Variants in ADAMTS2 observed in about 807,000 individuals in gnomAD.
ADAMTS2 encodes ADAM metallopeptidase with thrombospondin type 1 motif 2, also known as A disintegrin and metalloproteinase with thrombospondin motifs 2.
Under a neutral mutation model 123.0 loss-of-function variants are expected in ADAMTS2, and 50 were observed. The observed-to-expected ratio is 0.41, with a 90% CI of 0.32 to 0.51. The LOEUF is 0.51. ADAMTS2 is among the 20% of genes least tolerant of loss of function. The pLI is 0.35. For missense variants in ADAMTS2, 1,494 were observed against 1,705.2 expected, an observed-to-expected ratio of 0.88 and a Z score of 2.18; for synonymous variants, 678 against 695.4, an observed-to-expected ratio of 0.98 and a Z score of 0.39.
intron 4 of ADAMTS2, among the ~76,000 whole-genome samples, chr5:179,193,559 G>A (rs1316827286): frequency 6.6e-6 from 1 of 152,222 alleles, no homozygotes; most frequent in African/African-American, 2.4e-5. Context: ...CTCTGTCATA[G>A]AAGCGAAGGC....
chr5:179,286,313 G>A (rs958070593), intron 2 of ADAMTS2, among the ~76,000 whole-genome samples: 1 of 150,696 alleles, frequency 6.6e-6, no homozygotes, highest in Non-Finnish European at 1.5e-5. Flanking sequence ...TTGCACAGCT[G>A]TTCCCTGCCA....
intron 2 of ADAMTS2, among the ~76,000 whole-genome samples, chr5:179,323,499 G>C (rs1757238759): frequency 6.6e-6 from 1 of 152,236 alleles, no homozygotes; most frequent in South Asian, 2.1e-4. Flanking sequence ...CACTTGCCAG[G>C]GGCCGTTGGG....
intron 3 of ADAMTS2, among the ~76,000 whole-genome samples, chr5:179,263,494 G>A (rs933798887): frequency 6.6e-6 from 1 of 152,212 alleles, no homozygotes; most frequent in Non-Finnish European, 1.5e-5. Flanking sequence ...CTCCACACAG[G>A]CCCAGTGCCC....
chr5:179,213,082 GA>G (rs1764899196), intron 3 of ADAMTS2, among the ~76,000 whole-genome samples: 1 of 152,112 alleles, frequency 6.6e-6, no homozygotes, highest in African/African-American at 2.4e-5. Flanking sequence ...GCCACTAGGG[GA>G]CGACAGGGAC....
rs1159945403 is a variant in ADAMTS2 at position 179,202,742 on chromosome 5, G to A, written c.891+4771C>T. ...CGTGTTTCCTTACTCACACCATGGC[G>A]CGGGGTGGGTCGGGAGGGCCCGAGC... is the stretch of plus-strand genomic sequence containing the variant. On this transcript the variant is annotated intron_variant, in intron 4 of 21. Transcript: ENST00000251582. The surrounding 1 kb of genome is among the most constrained non-coding windows in gnomAD (Gnocchi z 4.0). Among the ~76,000 whole-genome samples the A allele has an allele frequency of 1.3e-5, 2 of 152,048 alleles. No homozygotes were observed. Among genetic ancestry groups the A allele is most frequent in the South Asian group, 2.1e-4 (1 of 4,828 alleles).
chr5:179,316,347 A>G (rs80123113), intron 2 of ADAMTS2, among the ~76,000 whole-genome samples: 6,762 of 152,310 alleles, frequency 0.044, 512 homozygotes, highest in African/African-American at 0.15. Context: ...AGCAGCAGAG[A>G]TCTAGCAACC....
rs1763442845 is a variant in ADAMTS2, at chr5:179,155,069, C to T, written c.1133-150G>A. 1 of 729,626 alleles carries T rather than the reference C, an allele frequency of 1.4e-6. No homozygotes were observed. Among genetic ancestry groups the T allele is most frequent in the South Asian group, 1.5e-5 (1 of 65,794 alleles). 45.2% of individuals were successfully genotyped at this position (729,626 alleles called of 1,614,324 possible). On this transcript the variant is annotated intron_variant, in intron 6 of 21. Coordinates refer to ENST00000251582, the MANE Select transcript of ADAMTS2 (RefSeq NM_014244.5). This position sits in a 1 kb window ranked among gnomAD's most constrained non-coding sequence, Gnocchi z 5.1. ...CCCCCGGCTGGCACAGCTCAGAAGA[C>T]ACCACAGCAGACAGCTCATAGCCTG...
At chr5:179,131,407 G>A (rs1480294125) in intron 15 of ADAMTS2, among the ~76,000 whole-genome samples, 1 of 151,988 alleles carries the variant, frequency 6.6e-6, no homozygotes, top group African/African-American at 2.4e-5. Context: ...AAACAAAAGG[G>A]AGATAAAATA....
chr5:179,194,717 A>T (rs1265884572), intron 4 of ADAMTS2, among the ~76,000 whole-genome samples: 1 of 152,130 alleles, frequency 6.6e-6, no homozygotes, highest in Non-Finnish European at 1.5e-5. Flanking sequence ...CAGTGACCTG[A>T]TGCAGGCAAG....
intron 3 of ADAMTS2, among the ~76,000 whole-genome samples, chr5:179,227,110 T>C (rs563654490): frequency 1.0e-5 from 1 of 98,178 alleles, no homozygotes. Context: ...GATTTATATA[T>C]GTGTGTGTAC....
intron 2 of ADAMTS2, among the ~76,000 whole-genome samples, chr5:179,280,834 A>G (rs1459126191): frequency 6.6e-6 from 1 of 152,002 alleles, no homozygotes; most frequent in Non-Finnish European, 1.5e-5. Flanking sequence ...AAAGGGAATC[A>G]TTTTTCATTA....
chr5:179,128,247 G>T lies in ADAMTS2; in HGVS notation c.2458-129C>A. On this transcript the variant is annotated intron_variant, in intron 16 of 21. Coordinates refer to ENST00000251582, the MANE Select transcript of ADAMTS2 (RefSeq NM_014244.5). This position sits in a 1 kb window ranked among gnomAD's most constrained non-coding sequence, Gnocchi z 4.9. ...ATTCATGGCAGTTACATTCCATGAA[G>T]TCGCCCCGAGCACCAAATTCTTGAA... The T allele has an allele frequency of 8.4e-7, 1 of 1,184,138 alleles. No individual in the cohort carries two copies. 73.4% of individuals were successfully genotyped at this position (1,184,138 alleles called of 1,614,324 possible).
chr5:179,336,637 C>A (rs953769451), intron 2 of ADAMTS2, among the ~76,000 whole-genome samples: 4 of 152,198 alleles, frequency 2.6e-5, no homozygotes, highest in Non-Finnish European at 5.9e-5. Flanking sequence ...TAATGATATG[C>A]AGACACGGCC....
chr5:179,134,428 C>T (rs1008069566), intron 13 of ADAMTS2, among the ~76,000 whole-genome samples: 1 of 152,130 alleles, frequency 6.6e-6, no homozygotes, highest in African/African-American at 2.4e-5. Context: ...GGGTACCAGG[C>T]TACTGGGGAC....
At chr5:179,270,625 C>T (rs1766505191) in intron 3 of ADAMTS2, among the ~76,000 whole-genome samples, 2 of 152,210 alleles carry the variant, frequency 1.3e-5, no homozygotes, top group Non-Finnish European at 2.9e-5. Flanking sequence ...TATGTATCTC[C>T]CAGTTGCCAC....
At position 179,115,587 on chromosome 5, in the gene ADAMTS2, A is replaced by G. The variant is rs1025460638; in HGVS notation, c.3179-1263T>C. 2.0e-5 allele frequency among the ~76,000 whole-genome samples: 3 copies of G among 151,930 alleles called. No homozygotes were observed. The East Asian group carries it at 5.8e-4, about 29-fold the overall frequency. ...CTCTCCTTAGTTGAACTCATCTACT[A>G]TTGAAAGGAAGGAAGGAGGGAGAGG... is the stretch of plus-strand genomic sequence containing the variant. On this transcript the variant is annotated intron_variant, in intron 21 of 21. Transcript: ENST00000251582. This position sits in a 1 kb window ranked among gnomAD's most constrained non-coding sequence, Gnocchi z 4.4.
At chr5:179,270,790 C>T (rs78736869) in intron 3 of ADAMTS2, among the ~76,000 whole-genome samples, 3,107 of 152,318 alleles carry the variant, frequency 0.02, 41 homozygotes, top group Non-Finnish European at 0.034. Context: ...AGGTGCATGG[C>T]GTGGGAGCTA....
intron 2 of ADAMTS2, among the ~76,000 whole-genome samples, chr5:179,278,597 G>A (rs1443462595): frequency 6.6e-6 from 1 of 152,086 alleles, no homozygotes; most frequent in Non-Finnish European, 1.5e-5. Context: ...GTCCAGCCTG[G>A]GGTCTTACAG....
At position 179,142,724 on chromosome 5, in the gene ADAMTS2, A is replaced by C. The variant is rs1763192556; in HGVS notation, c.1630-2689T>G. Among the ~76,000 whole-genome samples the C allele has an allele frequency of 2.0e-5, 3 of 152,224 alleles. No homozygotes were observed. The South Asian group carries it at 6.2e-4, about 32-fold the overall frequency. On this transcript the variant is annotated intron_variant, in intron 10 of 21. Transcript: ENST00000251582. ...GCAGTCAGGGTGACTGCATATGACCAAGGCTGTGACCTCTGGGGAGCAATA... is the reference window on the plus strand; with the variant it reads ...GCAGTCAGGGTGACTGCATATGACCCAGGCTGTGACCTCTGGGGAGCAATA...
Sources: allele counts gnomAD v4.1 joint callset (sites outside exome capture counted in the v4.1 genomes callset), GRCh38; gene constraint gnomAD v4.1.1; non-coding constraint Gnocchi (gnomAD v3.1); transcripts MANE v1.5; gene names NCBI Gene and HGNC (gene_info 2026-07-23, HGNC 2026-07-21).